CADM2: variants seen among roughly 807,000 people sequenced by gnomAD.
CADM2 encodes immunoglobulin superfamily member 4D.
In CADM2, 12 loss-of-function variants were observed where a neutral mutation model predicts 49.8. That is an observed-to-expected ratio of 0.24 (90% CI 0.15 to 0.39). The LOEUF is 0.39. Among genes scored for constraint, CADM2 ranks in the 10% least tolerant of loss-of-function variants. The pLI, the probability that CADM2 is intolerant of heterozygous loss-of-function variation, is 1.00. For synonymous variants in CADM2, 214 were observed against 175.4 expected, an observed-to-expected ratio of 1.22 and a Z score of -1.74; for missense variants, 378 against 492.3, an observed-to-expected ratio of 0.77 and a Z score of 2.20.
At chr3:85,035,867 C>T (rs1429515281) in intron 1 of CADM2, among the ~76,000 whole-genome samples, 1 of 152,102 alleles carries the variant, frequency 6.6e-6, no homozygotes, top group Admixed American at 6.6e-5. Flanking sequence ...TGCTTTTCCT[C>T]TAAAAATGTT....
At chr3:85,806,856 T>C (rs2072465417) in intron 3 of CADM2, among the ~76,000 whole-genome samples, 1 of 152,282 alleles carries the variant, frequency 6.6e-6, no homozygotes, top group African/African-American at 2.4e-5. Flanking sequence ...AATACTGTCA[T>C]ATTTCTCACT....
intron 1 of CADM2, among the ~76,000 whole-genome samples, chr3:85,230,789 G>T (rs1559733311): frequency 1.3e-5 from 2 of 151,880 alleles, no homozygotes; most frequent in Non-Finnish European, 2.9e-5. Context: ...TTGTGTGTTT[G>T]TTTTCTTTTT....
chr3:85,780,022 A>G (rs142045395), intron 2 of CADM2, among the ~76,000 whole-genome samples: 10 of 152,272 alleles, frequency 6.6e-5, no homozygotes, highest in African/African-American at 2.4e-4. Flanking sequence ...AAAAATAAAT[A>G]TTTCTTAAGC....
intron 1 of CADM2, among the ~76,000 whole-genome samples, chr3:85,606,419 T>G (rs2063540680): frequency 6.6e-6 from 1 of 152,126 alleles, no homozygotes; most frequent in Non-Finnish European, 1.5e-5. Context: ...GCAGCTTAGT[T>G]TCTATAGAAT....
At chr3:85,816,249 G>T (rs1438653435) in intron 3 of CADM2, among the ~76,000 whole-genome samples, 1 of 150,636 alleles carries the variant, frequency 6.6e-6, no homozygotes, top group Non-Finnish European at 1.5e-5. Context: ...TGAGGCAGGT[G>T]TAAACTTAGC....
intron 1 of CADM2, among the ~76,000 whole-genome samples, chr3:85,372,161 C>T (rs992958752): frequency 1.3e-5 from 2 of 151,828 alleles, no homozygotes; most frequent in African/African-American, 4.8e-5. Context: ...ACCACTGAAA[C>T]CCTCCAAGAT....
chr3:85,563,455 A>G (rs913712301), intron 1 of CADM2, among the ~76,000 whole-genome samples: 2 of 150,980 alleles, frequency 1.3e-5, no homozygotes, highest in Non-Finnish European at 3.0e-5. Context: ...ACATTTTTCA[A>G]TATTAAAAAT....
At chr3:85,136,430 T>C (rs1025632345) in intron 1 of CADM2, among the ~76,000 whole-genome samples, 1 of 151,926 alleles carries the variant, frequency 6.6e-6, no homozygotes, top group African/African-American at 2.4e-5. Flanking sequence ...AAGATTGTAT[T>C]TTTGAATAAT....
chr3:85,705,190 A>T (rs1218413991), intron 1 of CADM2, among the ~76,000 whole-genome samples: 2 of 151,194 alleles, frequency 1.3e-5, no homozygotes. Context: ...CTTATTTAAC[A>T]AATAATGAGT....
intron 3 of CADM2, among the ~76,000 whole-genome samples, chr3:85,818,376 C>A (rs1363984198): frequency 6.6e-6 from 1 of 152,172 alleles, no homozygotes; most frequent in African/African-American, 2.4e-5. Flanking sequence ...GTCTGTGCGA[C>A]AAACAGCAGC....
chr3:85,081,284 A>G (rs901707121), intron 1 of CADM2, among the ~76,000 whole-genome samples: 4 of 152,106 alleles, frequency 2.6e-5, no homozygotes, highest in Admixed American at 6.6e-5. Context: ...CTATGTGACC[A>G]TGGGCCATTT....
chr3:85,365,554 A>T (rs2032721040), intron 1 of CADM2, among the ~76,000 whole-genome samples: 1 of 152,162 alleles, frequency 6.6e-6, no homozygotes, highest in Non-Finnish European at 1.5e-5. Context: ...TTCAAGTTTA[A>T]AGAAAGTAAT....
intron 3 of CADM2, among the ~76,000 whole-genome samples, chr3:85,837,988 T>G (rs2108254272): frequency 6.6e-6 from 1 of 151,966 alleles, no homozygotes; most frequent in East Asian, 1.9e-4. Context: ...CACTGGGGCA[T>G]TATCACTACC....
chr3:85,157,160 C>G (rs2040156509), intron 1 of CADM2, among the ~76,000 whole-genome samples: 1 of 152,082 alleles, frequency 6.6e-6, no homozygotes, highest in Non-Finnish European at 1.5e-5. Context: ...TCAAGGAGAA[C>G]TACAAAGCAC....
intron 1 of CADM2, among the ~76,000 whole-genome samples, chr3:85,263,791 A>G (rs2043064513): frequency 6.6e-6 from 1 of 152,116 alleles, no homozygotes. Flanking sequence ...TTTGGAAAAC[A>G]TCAGAGACAT....
chr3:84,974,485 A>G (rs1340750322), intron 1 of CADM2, among the ~76,000 whole-genome samples: 1 of 151,886 alleles, frequency 6.6e-6, no homozygotes, highest in Non-Finnish European at 1.5e-5. Context: ...TTTGAAATAT[A>G]TTAAGTTTTC....
chr3:85,756,514 A>G (rs2069131068), intron 2 of CADM2, among the ~76,000 whole-genome samples: 1 of 152,186 alleles, frequency 6.6e-6, no homozygotes, highest in African/African-American at 2.4e-5. Context: ...GTTTTACTGC[A>G]TGGTACAATG....
chr3:85,620,334 A>C (rs2107485965), intron 1 of CADM2, among the ~76,000 whole-genome samples: 1 of 152,216 alleles, frequency 6.6e-6, no homozygotes, highest in Admixed American at 6.5e-5. Context: ...AAATAATAGT[A>C]TTTTATATAA....
chr3:85,602,540 T>C (rs889660118), intron 1 of CADM2, among the ~76,000 whole-genome samples: 3 of 151,812 alleles, frequency 2.0e-5, no homozygotes, highest in African/African-American at 7.2e-5. Context: ...TGTAAGATTT[T>C]AGGTTATTTG....
Sources: gnomAD v4.1 joint callset for allele counts (sites outside exome capture counted in the v4.1 genomes callset) on GRCh38, gnomAD v4.1.1 for gene constraint, MANE v1.5 for transcripts, NCBI Gene and HGNC (gene_info 2026-07-23, HGNC 2026-07-21) for gene names.